The following C12orf42 variants were observed in gnomAD, a reference collection of about 807,000 sequenced individuals.
The protein encoded by C12orf42 is chromosome 12 open reading frame 42, also known as uncharacterized protein C12orf42.
A neutral mutation model predicts 21.6 loss-of-function variants in C12orf42; 25 were observed. That is an observed-to-expected ratio of 1.16 (90% confidence interval 0.84 to 1.62). The LOEUF is 1.62. Ranked by LOEUF, C12orf42 falls within the 40% of genes most tolerant of loss-of-function variation. The probability of loss-of-function intolerance (pLI) is 0.00; values close to 1 mark genes in which losing one functional copy is unlikely to be tolerated. For missense variants in C12orf42, 483 were observed against 459.3 expected (o/e 1.05, Z -0.47); for synonymous variants, 174 against 175.0 (o/e 0.99, Z 0.05).
chr12:103,432,847 G>T (rs2139365819), intron 2 of C12orf42, among the ~76,000 whole-genome samples: 1 of 152,186 alleles, frequency 6.6e-6, no homozygotes, highest in Admixed American at 6.5e-5. Context: ...GCCTCAGAAG[G>T]AATCAAACCT....
At chr12:103,522,054 G>A in the C12orf42 span, among the ~76,000 whole-genome samples, 1 of 152,204 alleles carries the variant, frequency 6.6e-6, no homozygotes, top group Non-Finnish European at 1.5e-5. Context: ...GATATGGTTT[G>A]GCTGTGTCCC....
At chr12:103,251,319 C>A (rs1306514961) in intron 10 of C12orf42, among the ~76,000 whole-genome samples, 1 of 152,146 alleles carries the variant, frequency 6.6e-6, no homozygotes, top group Non-Finnish European at 1.5e-5. Flanking sequence ...CCGTTGACAT[C>A]TCTTCCTCAT....
chr12:103,428,889 G>A (rs189320647), intron 2 of C12orf42, among the ~76,000 whole-genome samples: 195 of 112,116 alleles, frequency 1.7e-3, no homozygotes, highest in African/African-American at 5.4e-3. Context: ...TTCAATAGAT[G>A]CAGACAAGGC....
At chr12:103,221,764 C>T in the C12orf42 span, among the ~76,000 whole-genome samples, 4 of 152,238 alleles carry the variant, frequency 2.6e-5, no homozygotes, top group South Asian at 2.1e-4. Flanking sequence ...GCATTTATAA[C>T]GTGAGGAGAG....
intron 4 of C12orf42, among the ~76,000 whole-genome samples, chr12:103,362,599 T>C (rs78425113): frequency 6.6e-6 from 1 of 151,646 alleles, no homozygotes; most frequent in East Asian, 1.9e-4. Flanking sequence ...ATTGAAAACA[T>C]GATATAAGAA....
the C12orf42 span, among the ~76,000 whole-genome samples, chr12:103,100,836 T>A: frequency 2.6e-5 from 4 of 152,110 alleles, no homozygotes; most frequent in Non-Finnish European, 5.9e-5. Context: ...ATAATCTGTA[T>A]AATAGTGTGT....
chr12:103,493,399 G>T (rs1955306638), intron 1 of C12orf42, among the ~76,000 whole-genome samples: 1 of 151,664 alleles, frequency 6.6e-6, no homozygotes, highest in Admixed American at 6.6e-5. Flanking sequence ...CTGCTTGCTT[G>T]ATGTTCCCCA....
At chr12:103,264,896 A>T (rs1256151945), downstream of C12orf42, among the ~76,000 whole-genome samples, 1 of 152,124 alleles carries the variant, frequency 6.6e-6, no homozygotes, top group African/African-American at 2.4e-5. Context: ...GAATGGCCCC[A>T]AGCAACATTA....
chr12:103,260,598 TAAC>T (rs1260993599), intron 10 of C12orf42, among the ~76,000 whole-genome samples: 2 of 152,162 alleles, frequency 1.3e-5, no homozygotes, highest in Non-Finnish European at 2.9e-5. Flanking sequence ...TAAAAATTAT[TAAC>T]AACAAGAATA....
At chr12:103,303,222 G>A (rs926000648) in intron 5 of C12orf42, among the ~76,000 whole-genome samples, 8 of 151,868 alleles carry the variant, frequency 5.3e-5, no homozygotes, top group Admixed American at 5.2e-4. Flanking sequence ...TTACAACATA[G>A]CCAAGACTGC....
At chr12:103,351,873 C>A (rs1026740044) in intron 4 of C12orf42, among the ~76,000 whole-genome samples, 4 of 152,100 alleles carry the variant, frequency 2.6e-5, no homozygotes, top group Admixed American at 2.0e-4. Flanking sequence ...CAAGACACAA[C>A]AAATTCCTTA....
chr12:103,307,544 C>T (rs2038491174), intron 4 of C12orf42, among the ~76,000 whole-genome samples: 1 of 152,106 alleles, frequency 6.6e-6, no homozygotes, highest in African/African-American at 2.4e-5. Flanking sequence ...TATTAATGAG[C>T]AGAGCTGGTG....
At chr12:103,225,926 T>C in the C12orf42 span, among the ~76,000 whole-genome samples, 1 of 152,166 alleles carries the variant, frequency 6.6e-6, no homozygotes, top group Non-Finnish European at 1.5e-5. Flanking sequence ...TCCTAGGCGA[T>C]CGGGCAGTGT....
At chr12:103,173,709 C>G in the C12orf42 span, among the ~76,000 whole-genome samples, 3 of 152,158 alleles carry the variant, frequency 2.0e-5, no homozygotes, top group African/African-American at 7.2e-5. Flanking sequence ...CCCCGTGATT[C>G]TTTCCTTTGG....
At chr12:103,220,345 T>C in the C12orf42 span, among the ~76,000 whole-genome samples, 2 of 152,008 alleles carry the variant, frequency 1.3e-5, no homozygotes, top group African/African-American at 4.8e-5. Flanking sequence ...TGTATACGTA[T>C]GTAACAAACC....
chr12:103,304,203 A>ATTTTTCC (rs1448745581), intron 5 of C12orf42, among the ~76,000 whole-genome samples: 2 of 152,196 alleles, frequency 1.3e-5, no homozygotes, highest in Non-Finnish European at 2.9e-5. Context: ...TGGGAATTAT[A>ATTTTTCC]TTACCTACTT....
At chr12:103,494,910 G>T (rs1017085217) in intron 1 of C12orf42, among the ~76,000 whole-genome samples, 1 of 152,184 alleles carries the variant, frequency 6.6e-6, no homozygotes, top group African/African-American at 2.4e-5. Flanking sequence ...GTCACAGGGA[G>T]AAGAGTGATT....
the C12orf42 span, among the ~76,000 whole-genome samples, chr12:103,220,432 C>T: frequency 6.6e-6 from 1 of 151,926 alleles, no homozygotes; most frequent in Non-Finnish European, 1.5e-5. Flanking sequence ...AAAGACTGAC[C>T]AATAAATATA....
At chr12:103,496,238 G>C (rs567645601), upstream of C12orf42, among the ~76,000 whole-genome samples, 6 of 152,264 alleles carry the variant, frequency 3.9e-5, no homozygotes, top group South Asian at 1.2e-3. Context: ...TTCCACGGAG[G>C]GGGTACTTCT....
Sources: allele counts gnomAD v4.1 joint callset (sites outside exome capture counted in the v4.1 genomes callset), GRCh38; gene constraint gnomAD v4.1.1; transcripts MANE v1.5; gene names NCBI Gene and HGNC (gene_info 2026-07-23, HGNC 2026-07-21).